The following TM7SF3 variants were observed in gnomAD, a reference collection of about 807,000 sequenced individuals.
TM7SF3 encodes transmembrane 7 superfamily member 3.
In TM7SF3, 60 loss-of-function variants were observed where a neutral mutation model predicts 65.5. The ratio of observed to expected loss-of-function variants is 0.92; its 90% CI spans 0.74 to 1.14. TM7SF3 has a LOEUF of 1.14. Ranked by LOEUF, TM7SF3 falls within the 50% of genes most tolerant of loss-of-function variation. The pLI, the probability that TM7SF3 is intolerant of heterozygous loss-of-function variation, is 0.00. For synonymous variants in TM7SF3, 264 were observed against 259.6 expected, an observed-to-expected ratio of 1.02 and a Z score of -0.16; for missense variants, 623 against 684.8, an observed-to-expected ratio of 0.91 and a Z score of 1.01.
chr12:26,994,489 G>T (rs1940506821), intron 5 of TM7SF3, among the ~76,000 whole-genome samples: 1 of 152,168 alleles, frequency 6.6e-6, no homozygotes, highest in African/African-American at 2.4e-5. Context: ...TGGTATTACA[G>T]GCATCTACCA....
chr12:26,973,796 C>A lies in TM7SF3; in HGVS notation c.*169G>T. The A allele has an allele frequency of 3.8e-6, 3 of 784,348 alleles. No homozygotes were observed. The highest frequency in any genetic ancestry group is 3.7e-6 in the Non-Finnish European group (2 of 538,164). The allele number at this position is 784,348 out of a possible 1,614,324, so 48.6% of individuals were successfully genotyped here. On this transcript the variant is annotated 3_prime_UTR_variant, in exon 12 of 12. Transcript: ENST00000343028. ...GTCATCTTTCTCATTCTCTTACAAT[C>A]ATCCTAATCCCCTAGTACACCCTTA...
In TM7SF3 at chr12:26,974,230, A is replaced by G. The variant is rs1476621368; in HGVS notation, c.1451-3T>C. The G allele has an allele frequency of 1.2e-6, 2 of 1,612,140 alleles. No homozygotes were observed. The highest frequency in any genetic ancestry group is 2.2e-5 in the South Asian group (2 of 90,910). On this transcript the variant is annotated splice_polypyrimidine_tract_variant and splice_region_variant and intron_variant, in intron 11 of 11. Coordinates refer to ENST00000343028, the MANE Select transcript of TM7SF3 (RefSeq NM_016551.3). ...CCATACTGCCAGGATAATGAAGTCT[A>G]AAAAACAGTAGAAAAAGTACAGTTT...
At chr12:27,012,198 G>A (rs1941269133) in intron 1 of TM7SF3, among the ~76,000 whole-genome samples, 1 of 152,164 alleles carries the variant, frequency 6.6e-6, no homozygotes, top group Non-Finnish European at 1.5e-5. Context: ...ACTCACCTGG[G>A]TTCAAGTCCT....
At chr12:26,983,307 G>A (rs1248928865) in intron 6 of TM7SF3, among the ~76,000 whole-genome samples, 1 of 152,160 alleles carries the variant, frequency 6.6e-6, no homozygotes, top group Admixed American at 6.5e-5. Context: ...ACTAAATACT[G>A]TGTATAGATC....
At chr12:26,991,281 T>C (rs1940354066) in intron 5 of TM7SF3, among the ~76,000 whole-genome samples, 1 of 151,222 alleles carries the variant, frequency 6.6e-6, no homozygotes, top group East Asian at 1.9e-4. Context: ...GCCTCCCCAG[T>C]AGCTGGGACT....
chr12:26,984,141 A>C (rs1939937889), intron 6 of TM7SF3, among the ~76,000 whole-genome samples: 2 of 152,200 alleles, frequency 1.3e-5, no homozygotes, highest in South Asian at 4.1e-4. Context: ...AAGAAAGATT[A>C]AACAACAGCC....
Position 27,014,314 on chromosome 12 carries a change from A to G in TM7SF3, c.-146T>C, listed in dbSNP as rs1941362433. 1 of 496,738 alleles carries G rather than the reference A, an allele frequency of 2.0e-6. No individual in the cohort carries two copies. The highest frequency in any genetic ancestry group is 3.2e-6 in the Non-Finnish European group (1 of 314,076). 30.8% of individuals were successfully genotyped at this position (496,738 alleles called of 1,614,324 possible). On this transcript the variant is annotated 5_prime_UTR_variant, in exon 1 of 12. Coordinates refer to ENST00000343028, the MANE Select transcript of TM7SF3 (RefSeq NM_016551.3). ...CAGGTGCAGACGCTTCGCACCTGCC[A>G]GCTCCGCAGCCGCCGGCGCGCGCCC...
At chr12:27,001,326 C>T (rs1940823254) in intron 2 of TM7SF3, among the ~76,000 whole-genome samples, 1 of 152,208 alleles carries the variant, frequency 6.6e-6, no homozygotes. Flanking sequence ...ATGCTGCCAG[C>T]TAGGTCTGTT....
chr12:26,975,796 C>G, intron 10 of TM7SF3, 138 bp from the exon 11 acceptor site: 1 of 846,444 alleles, frequency 1.2e-6, no homozygotes, highest in Non-Finnish European at 1.8e-6. Flanking sequence ...CAGAGCTGAA[C>G]AGAAGTTCCC....
At chr12:27,011,286 G>T (rs976894059) in intron 1 of TM7SF3, among the ~76,000 whole-genome samples, 1 of 152,204 alleles carries the variant, frequency 6.6e-6, no homozygotes, top group Non-Finnish European at 1.5e-5. Context: ...AAATGATGCT[G>T]TGCTCAAGTC....
chr12:26,986,058 G>A (rs1402613392), intron 6 of TM7SF3, among the ~76,000 whole-genome samples: 1 of 151,172 alleles, frequency 6.6e-6, no homozygotes, highest in East Asian at 2.0e-4. Flanking sequence ...TCGATCTCCT[G>A]ACCTCGTGAT....
intron 11 of TM7SF3, among the ~76,000 whole-genome samples, chr12:26,974,917 C>T (rs1052253571): frequency 1.3e-5 from 2 of 152,192 alleles, no homozygotes; most frequent in African/African-American, 2.4e-5. Context: ...AATTCTAGGA[C>T]ATGCTTTTTC....
chr12:27,012,754 C>G, intron 1 of TM7SF3: 1 of 455,924 alleles, frequency 2.2e-6, no homozygotes, highest in Non-Finnish European at 4.4e-6. Context: ...AATCCCAGCA[C>G]TCTGGGAGGC....
In TM7SF3 at chr12:27,014,290, A is replaced by G; in HGVS notation, c.-122T>C. ...CCCGCATCGGGCGCCATCGCCCGCC[A>G]GGTGCAGACGCTTCGCACCTGCCAG... On this transcript the variant is annotated 5_prime_UTR_variant, in exon 1 of 12. Coordinates refer to ENST00000343028, the MANE Select transcript of TM7SF3 (RefSeq NM_016551.3). 1.2e-6 allele frequency: 1 copy of G among 802,044 alleles called. No homozygotes were observed. The highest frequency in any genetic ancestry group is 1.8e-6 in the Non-Finnish European group (1 of 546,662). The allele number at this position is 802,044 out of a possible 1,614,324, so 49.7% of individuals were successfully genotyped here.
rs1939372706 is a variant in TM7SF3 at position 26,971,788 on chromosome 12, C to T, written c.*2177G>A. 6.6e-6 allele frequency: 1 copy of T among 152,154 alleles called. No individual in the cohort carries two copies. The highest frequency in any genetic ancestry group is 1.5e-5 in the Non-Finnish European group (1 of 68,030). 9.4% of individuals were successfully genotyped at this position (152,154 alleles called of 1,614,324 possible). ...CAGTAAATAATTTTTTAAAACTTTT[C>T]ATCAAGTTTCAGTGTTACTGAAGTT... On this transcript the variant is annotated 3_prime_UTR_variant, in exon 12 of 12. Coordinates refer to ENST00000343028, the MANE Select transcript of TM7SF3 (RefSeq NM_016551.3).
At position 26,995,464 on chromosome 12, in the gene TM7SF3, TA is replaced by T. The variant is rs200038671; in HGVS notation, c.519-57del. 1.3e-3 allele frequency: 2,016 copies of T among 1,580,732 alleles called. 29 individuals are homozygous for T. In the African/African-American group the frequency reaches 0.023, roughly 18 times the overall value. On this transcript the variant is annotated intron_variant, in intron 4 of 11. Transcript: ENST00000343028. ...TCTCTTGTGGTGCAAGTCCCATCTATAAAAAGGAACCAAGAGCCCTAATTTC... is the reference window on the plus strand; with the variant it reads ...TCTCTTGTGGTGCAAGTCCCATCTATAAAAGGAACCAAGAGCCCTAATTTC...
chr12:26,974,000 G>T lies in TM7SF3; in HGVS notation c.1678C>A (p.Gln560Lys). ...TQIKGLFQKE[Q>K]PAGERTPLLL ...AAAGGCGTTCTCTCTCCAGCTGGCT[G>T]CTCCTTCTGGAAGAGCCCTTTAATC... is the stretch of plus-strand genomic sequence containing the variant. The change falls in exon 12 of 12, where the codon CAG becomes AAG. Residue 560 changes from glutamine (Q) to lysine (K), a missense_variant. Physicochemically the swap from Gln to Lys is moderately conservative, Grantham distance 53 (BLOSUM62 1). Transcript: ENST00000343028. 1 of 1,614,184 alleles carries T rather than the reference G, an allele frequency of 6.2e-7. No individual in the cohort carries two copies. Among genetic ancestry groups the T allele is most frequent in the Non-Finnish European group, 8.5e-7 (1 of 1,180,024 alleles).
chr12:27,006,453 T>A (rs2136450463), intron 1 of TM7SF3, among the ~76,000 whole-genome samples: 1 of 152,196 alleles, frequency 6.6e-6, no homozygotes, highest in South Asian at 2.1e-4. Context: ...ACATTTTAAA[T>A]GTTTATAAAA....
intron 6 of TM7SF3, among the ~76,000 whole-genome samples, chr12:26,986,030 G>A (rs913448206): frequency 1.1e-4 from 16 of 150,454 alleles, no homozygotes; most frequent in Non-Finnish European, 2.1e-4. Context: ...GGGTTTCACT[G>A]TGTTAGCCAG....
Sources: allele counts gnomAD v4.1 joint callset (sites outside exome capture counted in the v4.1 genomes callset), GRCh38; gene constraint gnomAD v4.1.1; transcripts MANE v1.5; gene names NCBI Gene and HGNC (gene_info 2026-07-23, HGNC 2026-07-21).